The following IGSF22 variants were observed in gnomAD, a reference collection of about 807,000 sequenced individuals.
The protein encoded by IGSF22 is immunoglobulin superfamily, member 22.
In IGSF22, 119 loss-of-function variants were observed where a neutral mutation model predicts 127.0. The ratio of observed to expected loss-of-function variants is 0.94; its 90% CI spans 0.81 to 1.09. The LOEUF is 1.09. Ranked by LOEUF, IGSF22 falls within the 50% of genes least tolerant of loss-of-function variation. The probability of loss-of-function intolerance (pLI) is 0.00; values close to 1 mark genes in which losing one functional copy is unlikely to be tolerated. For missense variants in IGSF22, 1,518 were observed against 1,716.6 expected (o/e 0.88, Z 2.04); for synonymous variants, 568 against 664.7 (o/e 0.85, Z 2.24).
Position 18,708,213 on chromosome 11 carries a change from G to A in IGSF22, c.3081C>T (p.Ala1027=), listed in dbSNP as rs1420094871. 1 of 1,543,476 alleles carries A rather than the reference G, an allele frequency of 6.5e-7. No individual in the cohort carries two copies. The highest frequency in any genetic ancestry group is 2.4e-5 in the East Asian group (1 of 40,994). The change falls in exon 19 of 23, where the codon GCC becomes GCT. Residue 1027 remains alanine, a synonymous_variant. Transcript: ENST00000513874. ...AGGGTCAGGGACAACTCACAGAGAA[G>A]GCTGCATGGATGCAGAGGGCTGTCC... The part of the protein sequence containing the change: ...RAGTALCIHA[A]FSGSPPPDVI...
chr11:18,706,281 A>G, intron 21 of IGSF22, 135 bp from the exon 22 acceptor site: 1 of 842,858 alleles, frequency 1.2e-6, no homozygotes, highest in South Asian at 1.8e-5. Flanking sequence ...TGGGGGCCCA[A>G]TGTTACACTG....
intron 1 of IGSF22, 109 bp from the exon 2 acceptor site, chr11:18,724,378 G>A: frequency 1.7e-6 from 1 of 589,642 alleles, no homozygotes; most frequent in East Asian, 2.7e-5. Flanking sequence ...CACAGGAGAG[G>A]GCCAGGAGAG....
Position 18,715,504 on chromosome 11 carries a change from C to G in IGSF22, c.1459G>C (p.Glu487Gln). ...TCCTGCATGGCCACCACAGTGTACT[C>G]GCCACCATCACTGAGCTGTGCATCC... ...IEDAQLSDGG[E>Q]YTVVAMQDGD... The change falls in exon 11 of 23, where the codon GAG becomes CAG. Residue 487 changes from glutamate to glutamine, a missense_variant. By Grantham distance (29) the Glu-to-Gln change is conservative (BLOSUM62 2). Coordinates refer to ENST00000513874, the MANE Select transcript of IGSF22 (RefSeq NM_173588.4). 6.2e-7 allele frequency: 1 copy of G among 1,613,914 alleles called. No homozygotes were observed. Among genetic ancestry groups the G allele is most frequent in the Non-Finnish European group, 8.5e-7 (1 of 1,179,962 alleles).
intron 1 of IGSF22, 52 bp downstream of exon 1, chr11:18,726,022 C>T (rs1337781296): frequency 1.3e-5 from 2 of 152,384 alleles, no homozygotes; most frequent in Non-Finnish European, 1.5e-5. Context: ...CCCCTCTGGG[C>T]TCAGAAGGTG....
rs777353843 is a variant in IGSF22 at position 18,716,846 on chromosome 11, C to G, written c.1128G>C (p.Thr376=). ...TGTGCGTCAGACCATCTTCGGACACCGTGATTTCATACTTGTCATCCCTCT... is the reference window on the plus strand; with the variant it reads ...TGTGCGTCAGACCATCTTCGGACACGGTGATTTCATACTTGTCATCCCTCT... ...ELKRDDKYEI[T]VSEDGLTHTL... is the part of the protein sequence containing the mutation. Residue 376 remains threonine (T), a synonymous_variant, in exon 10 of 23, where the codon ACG becomes ACC. Coordinates refer to ENST00000513874, the MANE Select transcript of IGSF22 (RefSeq NM_173588.4). This position sits in a 1 kb window ranked among gnomAD's most constrained non-coding sequence, Gnocchi z 4.5. 3 of 1,614,072 alleles carry G rather than the reference C, an allele frequency of 1.9e-6. No homozygotes were observed. In the African/African-American group the frequency reaches 4.0e-5, roughly 22 times the overall value.
At chr11:18,722,072 C>T (rs748121293) in intron 2 of IGSF22, 31 bp from the exon 3 acceptor site, 6 of 1,611,850 alleles carry the variant, frequency 3.7e-6, no homozygotes, top group African/African-American at 1.3e-5. Flanking sequence ...TCAGAATGGG[C>T]TCCAGGTAGA....
Position 18,712,193 on chromosome 11 carries a change from T to C in IGSF22, c.2287A>G (p.Thr763Ala). 1 of 1,551,720 alleles carries C rather than the reference T, an allele frequency of 6.4e-7. No individual in the cohort carries two copies. The highest frequency in any genetic ancestry group is 8.7e-7 in the Non-Finnish European group (1 of 1,146,992). The change falls in exon 15 of 23, where the codon ACC becomes GCC. Residue 763 changes from threonine (T) to alanine (A), a missense_variant. By Grantham distance (58) the Thr-to-Ala change is moderately conservative. Around this residue, in one of 3 missense-constraint regions of IGSF22, gnomAD observed 1,456 missense variants for 1,644.9 expected, o/e 0.89. Coordinates refer to ENST00000513874, the MANE Select transcript of IGSF22 (RefSeq NM_173588.4). ...GCTTTTCCCTCTTCCACCTTGTTGG[T>C]GGAGAAGTTGGTGACTTTGCCGTCC... is the stretch of plus-strand genomic sequence containing the variant. ...EVDGKVTNFS[T>A]NKVEEGKAYQ...
rs1224292204 is a variant in IGSF22 at position 18,712,164 on chromosome 11, G to A, written c.2316C>T (p.Tyr772=). ...STNKVEEGKA[Y]QFRILAVNSE... is the part of the protein sequence containing the mutation. ...AATTGACTGCCAGGATACGGAACTG[G>A]TAGGCTTTTCCCTCTTCCACCTTGT... The change falls in exon 15 of 23, where the codon TAC becomes TAT. Residue 772 remains tyrosine (Y), a synonymous_variant. Transcript: ENST00000513874. 1.3e-6 allele frequency: 2 copies of A among 1,551,756 alleles called. No individual in the cohort carries two copies. Among genetic ancestry groups the A allele is most frequent in the Non-Finnish European group, 1.7e-6 (2 of 1,147,010 alleles).
chr11:18,717,091 T>C lies in IGSF22; in HGVS notation c.974-91A>G, dbSNP rs75960512. 4.9e-4 allele frequency: 695 copies of C among 1,417,588 alleles called. 1 individual carries two copies. Among genetic ancestry groups the C allele is most frequent in the Non-Finnish European group, 6.2e-4 (642 of 1,037,472 alleles). 87.8% of individuals were successfully genotyped at this position (1,417,588 alleles called of 1,614,324 possible). A position where few individuals can be genotyped will look rare whatever the true frequency, so the allele number is the denominator to read the frequency against. On this transcript the variant is annotated intron_variant, in intron 9 of 22. Transcript: ENST00000513874. ...GGGCACTCACATGTCACTGGCCTCC[T>C]GTAGCCCATGGCTGGGGGAAAGCAC...
In IGSF22 at chr11:18,716,721, C is replaced by T; in HGVS notation, c.1246+7G>A. ...CCCACCCCTTAGGCTCTTGCCCAAC[C>T]ACTCACGGTCAACAGTGAGCTGGGC... On this transcript the variant is annotated splice_region_variant and intron_variant, in intron 10 of 22. Transcript: ENST00000513874. The surrounding 1 kb of genome is among the most constrained non-coding windows in gnomAD (Gnocchi z 4.5). 6.2e-7 allele frequency: 1 copy of T among 1,611,728 alleles called. No homozygotes were observed. The highest frequency in any genetic ancestry group is 8.5e-7 in the Non-Finnish European group (1 of 1,177,878).
At chr11:18,711,780 A>G (rs1014382651) in intron 15 of IGSF22, among the ~76,000 whole-genome samples, 5 of 152,252 alleles carry the variant, frequency 3.3e-5, no homozygotes, top group African/African-American at 9.6e-5. Flanking sequence ...CTAAAGCAAC[A>G]TCATGCTCAC....
Position 18,706,901 on chromosome 11 carries a change from G to C in IGSF22, c.3580+13C>G. 2 of 1,482,954 alleles carry C rather than the reference G, an allele frequency of 1.3e-6. No homozygotes were observed. The highest frequency in any genetic ancestry group is 9.0e-7 in the Non-Finnish European group (1 of 1,109,386). 91.9% of individuals were successfully genotyped at this position (1,482,954 alleles called of 1,614,324 possible). A position where few individuals can be genotyped will look rare whatever the true frequency, so the allele number is the denominator to read the frequency against. ...CACCCAGACTTAACCCTAACTGCAA[G>C]TCCCAGACTCACTCTGGTCCTTATT... On this transcript the variant is annotated intron_variant, in intron 21 of 22. Transcript: ENST00000513874.
chr11:18,720,806 G>A (rs905149446), intron 4 of IGSF22, among the ~76,000 whole-genome samples: 16 of 152,166 alleles, frequency 1.1e-4, no homozygotes, highest in African/African-American at 3.6e-4. Flanking sequence ...GGGGGACTGG[G>A]GCAGCTCGTG....
chr11:18,723,580 A>C (rs1162330191), intron 2 of IGSF22, among the ~76,000 whole-genome samples: 1 of 151,994 alleles, frequency 6.6e-6, no homozygotes, highest in East Asian at 1.9e-4. Flanking sequence ...TGACTAAAAC[A>C]CTCTGTTCAG....
At chr11:18,713,510 A>G (rs922851797) in intron 14 of IGSF22, among the ~76,000 whole-genome samples, 1 of 152,154 alleles carries the variant, frequency 6.6e-6, no homozygotes, top group African/African-American at 2.4e-5. Flanking sequence ...CTTACCTCCT[A>G]TCAAGTTTTC....
chr11:18,721,397 G>T, intron 4 of IGSF22, 138 bp downstream of exon 4: 1 of 1,157,464 alleles, frequency 8.6e-7, no homozygotes, highest in Non-Finnish European at 1.3e-6. Flanking sequence ...CGCCTCTCGG[G>T]CAATGACAGC....
chr11:18,715,825 C>T, intron 10 of IGSF22, 109 bp from the exon 11 acceptor site: 1 of 1,194,708 alleles, frequency 8.4e-7, no homozygotes, highest in South Asian at 1.4e-5. Context: ...AACACAAGAA[C>T]TTGTGATGCT....
intron 1 of IGSF22, among the ~76,000 whole-genome samples, chr11:18,725,675 C>T (rs934974645): frequency 2.0e-5 from 3 of 151,638 alleles, no homozygotes; most frequent in Admixed American, 6.6e-5. Context: ...TACCTGACCT[C>T]GTGATCCGCC....
At chr11:18,715,345 A>G in intron 11 of IGSF22, 87 bp downstream of exon 11, 1 of 1,376,482 alleles carries the variant, frequency 7.3e-7, no homozygotes, top group South Asian at 1.3e-5. Flanking sequence ...GGTTGGAGTT[A>G]GTGGGAGGGG....
Sources: gnomAD v4.1 joint callset for allele counts (sites outside exome capture counted in the v4.1 genomes callset) on GRCh38, gnomAD v4.1.1 for gene constraint, gnomAD v4.1.1 regional missense constraint, Gnocchi (gnomAD v3.1) non-coding constraint, MANE v1.5 for transcripts, NCBI Gene and HGNC (gene_info 2026-07-23, HGNC 2026-07-21) for gene names.